The following LRRC8B variants were observed in gnomAD, a reference collection of about 807,000 sequenced individuals.
LRRC8B encodes leucine rich repeat containing 8 VRAC subunit B, also known as volume-regulated anion channel subunit LRRC8B.
Under a neutral mutation model 58.8 loss-of-function variants are expected in LRRC8B, and 23 were observed. The observed-to-expected ratio is 0.39, with a 90% CI of 0.28 to 0.55. The LOEUF is 0.55. LRRC8B is among the 20% of genes least tolerant of loss of function. LRRC8B has a pLI of 0.62. For missense variants in LRRC8B, 694 were observed against 936.0 expected, an observed-to-expected ratio of 0.74 and a Z score of 3.37; for synonymous variants, 359 against 374.1, an observed-to-expected ratio of 0.96 and a Z score of 0.47.
At chr1:89,528,102 C>CT (rs1649835528) in intron 1 of LRRC8B, among the ~76,000 whole-genome samples, 1 of 152,100 alleles carries the variant, frequency 6.6e-6, no homozygotes, top group African/African-American at 2.4e-5. Context: ...TCATCTCTTG[C>CT]TTTTTTTAAA....
chr1:89,549,784 G>A (rs1651674427), intron 1 of LRRC8B: 1 of 152,154 alleles, frequency 6.6e-6, no homozygotes, highest in African/African-American at 2.4e-5. Context: ...GATGGACTGA[G>A]GCTGCATTGA....
rs1210473193 is a variant in LRRC8B, at chr1:89,561,914, G to C, written c.-240-6333G>C. Reference sequence around the variant, plus strand: ...ATGAACTTTATCTTTTAATATGTTTGTCTCCTTTTATATGCCTTTATCCAC... The same window carrying C: ...ATGAACTTTATCTTTTAATATGTTTCTCTCCTTTTATATGCCTTTATCCAC... On this transcript the variant is annotated intron_variant, in intron 1 of 5. Coordinates refer to ENST00000330947, the MANE Select transcript of LRRC8B (RefSeq NM_001369817.2). Among the ~76,000 whole-genome samples the C allele has an allele frequency of 2.0e-5, 3 of 152,188 alleles. No homozygotes were observed. In the East Asian group the frequency reaches 5.8e-4, roughly 29 times the overall value.
chr1:89,573,535 T>C (rs1653623217), intron 3 of LRRC8B, among the ~76,000 whole-genome samples: 1 of 152,110 alleles, frequency 6.6e-6, no homozygotes, highest in African/African-American at 2.4e-5. Context: ...CTTACTACAG[T>C]TTTGGGTCAG....
rs995734840 is a variant in LRRC8B, at chr1:89,524,928, G to C, written c.-335G>C. ...GCTGAGCCCGCAGCCTCCGGCAGCC[G>C]GGAAAGTGCGGGCGCGGGGCCGCAG... is the stretch of plus-strand genomic sequence containing the variant. On this transcript the variant is annotated 5_prime_UTR_variant, in exon 1 of 6. Transcript: ENST00000330947. 55 of 152,322 alleles carry C rather than the reference G, an allele frequency of 3.6e-4. No individual in the cohort carries two copies. The highest frequency in any genetic ancestry group is 1.3e-3 in the African/African-American group (55 of 41,560). 9.4% of individuals were successfully genotyped at this position (152,322 alleles called of 1,614,324 possible). A position where few individuals can be genotyped will look rare whatever the true frequency, so the allele number is the denominator to read the frequency against.
At chr1:89,562,150 AACACACACAC>A (rs59568247) in intron 1 of LRRC8B, among the ~76,000 whole-genome samples, 4 of 139,526 alleles carry the variant, frequency 2.9e-5, no homozygotes, top group Non-Finnish European at 6.2e-5. Context: ...CACCTCCCAA[AACACACACAC>A]ACACACACAC....
chr1:89,526,166 CTA>C (rs1387195271), intron 1 of LRRC8B, among the ~76,000 whole-genome samples: 2 of 152,198 alleles, frequency 1.3e-5, no homozygotes, highest in Admixed American at 1.3e-4. Flanking sequence ...CCAGTACCCT[CTA>C]TGTGTACAGG....
chr1:89,535,957 G>A (rs749558376), intron 1 of LRRC8B, among the ~76,000 whole-genome samples: 5 of 152,062 alleles, frequency 3.3e-5, no homozygotes, highest in Non-Finnish European at 5.9e-5. Context: ...AGTTGGGCCT[G>A]GCCATCACCT....
At chr1:89,566,613 A>G (rs368112662) in intron 1 of LRRC8B, among the ~76,000 whole-genome samples, 2 of 152,202 alleles carry the variant, frequency 1.3e-5, no homozygotes, top group Admixed American at 6.5e-5. Flanking sequence ...AACTATCCCT[A>G]CAAGACAAAT....
intron 1 of LRRC8B, among the ~76,000 whole-genome samples, chr1:89,563,152 A>G (rs1035855383): frequency 2.0e-5 from 3 of 152,166 alleles, no homozygotes; most frequent in African/African-American, 4.8e-5. Context: ...TTACATGAGT[A>G]TAGATTTTTT....
At chr1:89,557,078 A>T (rs1002408464) in intron 1 of LRRC8B, among the ~76,000 whole-genome samples, 2 of 152,190 alleles carry the variant, frequency 1.3e-5, no homozygotes, top group South Asian at 2.1e-4. Context: ...GGGATCCATT[A>T]TCATTCCATT....
intron 1 of LRRC8B, among the ~76,000 whole-genome samples, chr1:89,539,656 A>G (rs1307693284): frequency 1.3e-5 from 2 of 152,252 alleles, no homozygotes; most frequent in Non-Finnish European, 2.9e-5. Flanking sequence ...CTGCTGAAGC[A>G]TATTCCATTG....
chr1:89,559,629 TACACACAC>T (rs71084951), intron 1 of LRRC8B, among the ~76,000 whole-genome samples: 13 of 137,516 alleles, frequency 9.5e-5, no homozygotes, highest in South Asian at 2.4e-4. Flanking sequence ...TATATATATA[TACACACAC>T]ACACACACAC....
At chr1:89,590,493 G>C (rs1397899026) in intron 5 of LRRC8B, among the ~76,000 whole-genome samples, 2 of 152,232 alleles carry the variant, frequency 1.3e-5, no homozygotes, top group Non-Finnish European at 2.9e-5. Flanking sequence ...CGCAGCCCTT[G>C]ACTCACTTTC....
At chr1:89,532,510 C>A (rs145405647) in intron 1 of LRRC8B, among the ~76,000 whole-genome samples, 1 of 152,256 alleles carries the variant, frequency 6.6e-6, no homozygotes, top group East Asian at 1.9e-4. Flanking sequence ...TTTCCCCCAT[C>A]CTGTTCTTGT....
chr1:89,574,888 A>G (rs1168856815), intron 3 of LRRC8B, among the ~76,000 whole-genome samples: 1 of 152,208 alleles, frequency 6.6e-6, no homozygotes, highest in African/African-American at 2.4e-5. Context: ...GCAAAGGCAT[A>G]GCTGTAAGAC....
At chr1:89,538,983 A>G (rs1391592501) in intron 1 of LRRC8B, among the ~76,000 whole-genome samples, 1 of 152,102 alleles carries the variant, frequency 6.6e-6, no homozygotes, top group Non-Finnish European at 1.5e-5. Flanking sequence ...TGGCCTCCCA[A>G]AGTGCTGGGA....
In LRRC8B at chr1:89,584,254, A is replaced by G. The variant is rs1172531465; in HGVS notation, c.1604A>G (p.Gln535Arg). ...AGTACTATGCAGTTGGAGGGCTTTC[A>G]GGACTTAAAAAATCTAAGGACCCTG... ...QLSTMQLEGF[Q>R]DLKNLRTLYL... Residue 535 changes from glutamine (Q) to arginine (R), a missense_variant, in exon 5 of 6, where the codon CAG (glutamine) becomes CGG (arginine). By Grantham distance (43) the Gln-to-Arg change is conservative. This residue lies in a region of LRRC8B where 162 missense variants were observed against 198.5 expected (regional missense o/e 0.82). Coordinates refer to ENST00000330947, the MANE Select transcript of LRRC8B (RefSeq NM_001369817.2). The G allele has an allele frequency of 6.2e-7, 1 of 1,613,174 alleles. No individual in the cohort carries two copies. Among genetic ancestry groups the G allele is most frequent in the African/African-American group, 1.3e-5 (1 of 75,050 alleles).
chr1:89,547,233 CTT>C (rs11288557), intron 1 of LRRC8B, among the ~76,000 whole-genome samples: 150 of 146,318 alleles, frequency 1.0e-3, no homozygotes, highest in Middle Eastern at 7.0e-3. Context: ...AACCAGGGTC[CTT>C]TTTTTTTTTT....
chr1:89,590,111 T>C (rs1490661978), intron 5 of LRRC8B, among the ~76,000 whole-genome samples: 1 of 152,206 alleles, frequency 6.6e-6, no homozygotes, highest in Non-Finnish European at 1.5e-5. Flanking sequence ...AGCTTTCCCA[T>C]TGGTTTTTTT....
Sources: allele counts gnomAD v4.1 joint callset (sites outside exome capture counted in the v4.1 genomes callset), GRCh38; gene constraint gnomAD v4.1.1; regional missense constraint gnomAD v4.1.1; transcripts MANE v1.5; gene names NCBI Gene and HGNC (gene_info 2026-07-23, HGNC 2026-07-21).